The following TNFSF4 variants were observed in gnomAD, a reference collection of about 807,000 sequenced individuals.
TNFSF4 encodes tumor necrosis factor ligand superfamily member 4.
Under a neutral mutation model 7.3 loss-of-function variants are expected in TNFSF4, and 4 were observed. That is an observed-to-expected ratio of 0.55 (90% CI 0.27 to 1.25). The LOEUF (loss-of-function observed/expected upper bound fraction) is 1.25, where lower values mean the gene tolerates loss of function less well. TNFSF4 is among the 50% of genes most tolerant of loss of function. The pLI is 0.12. For synonymous variants in TNFSF4, 76 were observed against 83.7 expected, an observed-to-expected ratio of 0.91 and a Z score of 0.50; for missense variants, 181 against 208.8, an observed-to-expected ratio of 0.87 and a Z score of 0.82.
the TNFSF4 span, among the ~76,000 whole-genome samples, chr1:173,413,047 A>G: frequency 6.6e-6 from 1 of 152,210 alleles, no homozygotes; most frequent in East Asian, 1.9e-4. Context: ...GAGCCCACCC[A>G]GACCAAAAAT....
At chr1:173,384,874 A>G in the TNFSF4 span, among the ~76,000 whole-genome samples, 1 of 152,222 alleles carries the variant, frequency 6.6e-6, no homozygotes, top group East Asian at 1.9e-4. Flanking sequence ...TTAAATATAA[A>G]TTTTTATTAT....
the TNFSF4 span, among the ~76,000 whole-genome samples, chr1:173,218,755 A>C: frequency 6.6e-6 from 1 of 152,148 alleles, no homozygotes; most frequent in African/African-American, 2.4e-5. Context: ...AAAATAAAAG[A>C]CAGAAAAGTG....
chr1:173,251,831 A>G, the TNFSF4 span, among the ~76,000 whole-genome samples: 3 of 152,210 alleles, frequency 2.0e-5, no homozygotes, highest in African/African-American at 7.2e-5. Flanking sequence ...GGAGGAGTCA[A>G]TGCTTAAGAC....
chr1:173,369,492 C>T, the TNFSF4 span, among the ~76,000 whole-genome samples: 19 of 152,134 alleles, frequency 1.2e-4, no homozygotes, highest in Non-Finnish European at 2.5e-4. Flanking sequence ...CTTCAGTGAG[C>T]GCAACTATTC....
chr1:173,280,694 C>G, the TNFSF4 span, among the ~76,000 whole-genome samples: 1 of 152,102 alleles, frequency 6.6e-6, no homozygotes, highest in Non-Finnish European at 1.5e-5. Context: ...TACTTTAAAG[C>G]AAATAATATA....
At chr1:173,204,539 T>C (rs1650092416) in intron 1 of TNFSF4, among the ~76,000 whole-genome samples, 2 of 152,176 alleles carry the variant, frequency 1.3e-5, no homozygotes, top group South Asian at 4.1e-4. Context: ...GGCAATTATT[T>C]TATAAGGCTA....
At chr1:173,291,922 C>T in the TNFSF4 span, among the ~76,000 whole-genome samples, 1 of 151,694 alleles carries the variant, frequency 6.6e-6, no homozygotes, top group South Asian at 2.1e-4. Flanking sequence ...AATTCCTGAA[C>T]ACACAACCTC....
the TNFSF4 span, chr1:173,363,146 T>C: frequency 3.0e-6 from 1 of 328,430 alleles, no homozygotes; most frequent in Non-Finnish European, 6.1e-6. Context: ...TGCAAGGGCC[T>C]GCACTGTGGA....
chr1:173,344,147 T>A, the TNFSF4 span, among the ~76,000 whole-genome samples: 624 of 152,276 alleles, frequency 4.1e-3, 5 homozygotes, highest in African/African-American at 0.013. Flanking sequence ...GCTAAATAAG[T>A]CATGATCTCT....
the TNFSF4 span, among the ~76,000 whole-genome samples, chr1:173,389,762 T>C: frequency 4.6e-5 from 7 of 152,224 alleles, no homozygotes; most frequent in Non-Finnish European, 7.4e-5. Flanking sequence ...ATTCTCTTTT[T>C]AGCTGCATCT....
chr1:173,287,177 A>G, the TNFSF4 span, among the ~76,000 whole-genome samples: 3 of 151,986 alleles, frequency 2.0e-5, no homozygotes, highest in African/African-American at 4.8e-5. Context: ...AAAAAAAAAG[A>G]ATGTTTAATT....
chr1:173,254,694 G>A, the TNFSF4 span, among the ~76,000 whole-genome samples: 13 of 152,164 alleles, frequency 8.5e-5, no homozygotes, highest in African/African-American at 1.2e-4. Context: ...AAGGGTGATG[G>A]GGGTAAACCT....
intron 1 of TNFSF4, chr1:173,205,565 C>A: frequency 7.9e-7 from 1 of 1,270,748 alleles, no homozygotes. Context: ...TTTTATCATC[C>A]CATGGTGTAA....
the TNFSF4 span, among the ~76,000 whole-genome samples, chr1:173,374,765 G>C: frequency 7.9e-5 from 12 of 152,152 alleles, no homozygotes; most frequent in African/African-American, 2.9e-4. Context: ...ATATACTGTG[G>C]CTCCTGCCAG....
chr1:173,193,034 A>C (rs1047224760), intron 1 of TNFSF4, among the ~76,000 whole-genome samples: 5 of 152,212 alleles, frequency 3.3e-5, no homozygotes, highest in African/African-American at 1.2e-4. Flanking sequence ...GAATGAAGGA[A>C]TGGATTAAAG....
the TNFSF4 span, among the ~76,000 whole-genome samples, chr1:173,432,170 C>T: frequency 2.6e-5 from 4 of 152,188 alleles, no homozygotes; most frequent in East Asian, 1.9e-4. Context: ...TGATAAAGGG[C>T]GAGGGGTTGC....
chr1:173,361,546 C>G, the TNFSF4 span, among the ~76,000 whole-genome samples: 1 of 152,208 alleles, frequency 6.6e-6, no homozygotes, highest in Admixed American at 6.5e-5. Flanking sequence ...TTGCAGTGAG[C>G]CGAGATAGCA....
the TNFSF4 span, among the ~76,000 whole-genome samples, chr1:173,322,534 T>C: frequency 4.6e-5 from 7 of 151,746 alleles, no homozygotes; most frequent in Non-Finnish European, 1.0e-4. Context: ...TGCTTGAGAG[T>C]GGGTGCAGGA....
downstream of TNFSF4, among the ~76,000 whole-genome samples, chr1:173,183,051 C>T (rs778867181): frequency 6.6e-6 from 1 of 152,150 alleles, no homozygotes; most frequent in Non-Finnish European, 1.5e-5. Context: ...ATATCAGCTA[C>T]TAAATTCAAC....
Sources: allele counts gnomAD v4.1 joint callset (sites outside exome capture counted in the v4.1 genomes callset), GRCh38; gene constraint gnomAD v4.1.1; transcripts MANE v1.5; gene names NCBI Gene and HGNC (gene_info 2026-07-23, HGNC 2026-07-21).